MAP3K5: variants seen among roughly 807,000 people sequenced by gnomAD.
The protein encoded by MAP3K5 is mitogen-activated protein kinase kinase kinase 5.
A neutral mutation model predicts 158.7 loss-of-function variants in MAP3K5; 56 were observed. The ratio of observed to expected loss-of-function variants is 0.35; its 90% CI spans 0.28 to 0.44. The LOEUF (loss-of-function observed/expected upper bound fraction) is 0.44, where lower values mean the gene tolerates loss of function less well. Among genes scored for constraint, MAP3K5 ranks in the 20% least tolerant of loss-of-function variants. The probability of loss-of-function intolerance (pLI) is 1.00; values close to 1 mark genes in which losing one functional copy is unlikely to be tolerated. For synonymous variants in MAP3K5, 579 were observed against 601.7 expected, an observed-to-expected ratio of 0.96 and a Z score of 0.55; for missense variants, 1,294 against 1,674.8, an observed-to-expected ratio of 0.77 and a Z score of 3.97.
At chr6:136,735,863 T>C (rs1782438480) in intron 1 of MAP3K5, among the ~76,000 whole-genome samples, 1 of 152,010 alleles carries the variant, frequency 6.6e-6, no homozygotes, top group Admixed American at 6.6e-5. Flanking sequence ...GATAATTTCA[T>C]CCTATGTTAA....
chr6:136,627,364 C>T (rs1167723573), intron 14 of MAP3K5, among the ~76,000 whole-genome samples: 1 of 152,198 alleles, frequency 6.6e-6, no homozygotes, highest in Non-Finnish European at 1.5e-5. Flanking sequence ...GTGAACTTTC[C>T]AAAGTCCAAA....
Position 136,704,632 on chromosome 6 carries a change from G to A in MAP3K5, c.612+478C>T, listed in dbSNP as rs1022223668. ...ATGATCTTGGCTCATTGCAACCTCC[G>A]CCTCCCGGGTTCAAGCGATTCTCCT... On this transcript the variant is annotated intron_variant, in intron 3 of 29. Coordinates refer to ENST00000359015, the MANE Select transcript of MAP3K5 (RefSeq NM_005923.4). Among the ~76,000 whole-genome samples, 10 of 152,146 alleles carry A rather than the reference G, an allele frequency of 6.6e-5. No homozygotes were observed. In the East Asian group the frequency reaches 7.7e-4, roughly 12 times the overall value.
At position 136,562,631 on chromosome 6, in the gene MAP3K5, A is replaced by G. The variant is rs772979668; in HGVS notation, c.3762-16T>C. On this transcript the variant is annotated splice_polypyrimidine_tract_variant and intron_variant, in intron 26 of 29. Coordinates refer to ENST00000359015, the MANE Select transcript of MAP3K5 (RefSeq NM_005923.4). The stretch of plus-strand genomic sequence containing the variant: ...TTCCAGTAATCTGCAGAAGAAAAAT[A>G]TATTGTTTGACAGGAGGTGACACAG... The G allele has an allele frequency of 2.1e-6, 3 of 1,402,526 alleles. No homozygotes were observed. The highest frequency in any genetic ancestry group is 2.0e-6 in the Non-Finnish European group (2 of 1,003,682). 86.9% of individuals were successfully genotyped at this position (1,402,526 alleles called of 1,614,324 possible).
intron 7 of MAP3K5, among the ~76,000 whole-genome samples, chr6:136,678,269 T>G (rs960638079): frequency 6.6e-6 from 1 of 152,158 alleles, no homozygotes; most frequent in African/African-American, 2.4e-5. Flanking sequence ...TTGTATTCTA[T>G]ATACAACAGA....
chr6:136,703,643 C>A (rs961519618), intron 3 of MAP3K5, among the ~76,000 whole-genome samples: 8 of 152,176 alleles, frequency 5.3e-5, no homozygotes, highest in African/African-American at 1.9e-4. Flanking sequence ...TAAAACAGTG[C>A]ATTGAAGCAT....
intron 20 of MAP3K5, among the ~76,000 whole-genome samples, chr6:136,601,566 A>G (rs1775876554): frequency 6.6e-6 from 1 of 152,222 alleles, no homozygotes. Context: ...TGACATATTA[A>G]CTACCTACTA....
chr6:136,778,791 T>G (rs989031282), intron 1 of MAP3K5, among the ~76,000 whole-genome samples: 2 of 152,160 alleles, frequency 1.3e-5, no homozygotes, highest in Non-Finnish European at 2.9e-5. Flanking sequence ...TGGTAACAGT[T>G]TCAGGGTCTC....
At chr6:136,638,667 T>C (rs1167750169) in intron 13 of MAP3K5, among the ~76,000 whole-genome samples, 1 of 152,176 alleles carries the variant, frequency 6.6e-6, no homozygotes, top group Non-Finnish European at 1.5e-5. Context: ...CAAGTGTTTT[T>C]TTTTCCCCCA....
chr6:136,667,348 C>T lies in MAP3K5; in HGVS notation c.1366+1935G>A, dbSNP rs191573596. On this transcript the variant is annotated intron_variant, in intron 8 of 29. Transcript: ENST00000359015. The stretch of plus-strand genomic sequence containing the variant: ...AGAGTTTTTAATTTAGTCTTAGACA[C>T]AAAATTTTATTATAATCATAATTTC... Among the ~76,000 whole-genome samples, 39 of 152,204 alleles carry T rather than the reference C, an allele frequency of 2.6e-4. 1 individual carries two copies. In the South Asian group the frequency reaches 5.6e-3, roughly 22 times the overall value.
At chr6:136,789,094 G>A (rs909772590) in intron 1 of MAP3K5, among the ~76,000 whole-genome samples, 8 of 152,108 alleles carry the variant, frequency 5.3e-5, no homozygotes, top group African/African-American at 1.9e-4. Flanking sequence ...GGCCAGGTTT[G>A]AGACCTGTCT....
At chr6:136,769,057 A>G (rs1413461386) in intron 1 of MAP3K5, among the ~76,000 whole-genome samples, 3 of 152,350 alleles carry the variant, frequency 2.0e-5, no homozygotes, top group East Asian at 3.9e-4. Flanking sequence ...TGACATGGAT[A>G]TTCATGGTTT....
At chr6:136,726,746 T>G (rs1488725485) in intron 1 of MAP3K5, among the ~76,000 whole-genome samples, 1 of 152,220 alleles carries the variant, frequency 6.6e-6, no homozygotes, top group Non-Finnish European at 1.5e-5. Context: ...GATAGTACTG[T>G]TTTTAAAAAT....
chr6:136,659,357 A>G lies in MAP3K5; in HGVS notation c.1388T>C (p.Leu463Pro). The change falls in exon 9 of 30, where the codon CTT (leucine) becomes CCT (proline). Residue 463 changes from leucine (L) to proline (P), a missense_variant. Coordinates refer to ENST00000359015, the MANE Select transcript of MAP3K5 (RefSeq NM_005923.4). ...TTTTTCCAAGTTTCCCTTTTTACCAAGAAGACTACTTAGCTTCACCCCTAG... is the reference window on the plus strand; with the variant it reads ...TTTTTCCAAGTTTCCCTTTTTACCAGGAAGACTACTTAGCTTCACCCCTAG... ...RKVGVKLSSL[L>P]GKKGNLEKLQ... The G allele has an allele frequency of 1.9e-6, 3 of 1,614,074 alleles. No individual in the cohort carries two copies. Among genetic ancestry groups the G allele is most frequent in the Non-Finnish European group, 2.5e-6 (3 of 1,180,018 alleles).
At chr6:136,594,738 GAGACTAGTAC>G (rs1775546013) in intron 21 of MAP3K5, among the ~76,000 whole-genome samples, 2 of 152,172 alleles carry the variant, frequency 1.3e-5, no homozygotes, top group African/African-American at 4.8e-5. Flanking sequence ...TGGGAGTAAA[GAGACTAGTAC>G]AGACTAGACT....
chr6:136,696,193 A>G (rs1314560673), intron 5 of MAP3K5, 136 bp from the exon 6 acceptor site: 12 of 572,018 alleles, frequency 2.1e-5, no homozygotes, highest in Non-Finnish European at 1.5e-5. Context: ...AACACTTTGA[A>G]GAACCTAGAA....
chr6:136,610,708 A>T (rs2129090122), intron 18 of MAP3K5, among the ~76,000 whole-genome samples: 1 of 151,230 alleles, frequency 6.6e-6, no homozygotes, highest in Admixed American at 6.6e-5. Flanking sequence ...AAAAAAAAAA[A>T]TCTTCAGTGG....
intron 11 of MAP3K5, among the ~76,000 whole-genome samples, chr6:136,643,747 G>T (rs1043974920): frequency 1.3e-5 from 2 of 152,178 alleles, no homozygotes; most frequent in African/African-American, 2.4e-5. Context: ...AAATTTTGTT[G>T]CATGAAGTCC....
chr6:136,579,250 A>G, intron 25 of MAP3K5, among the ~76,000 whole-genome samples: 1 of 152,136 alleles, frequency 6.6e-6, no homozygotes, highest in Admixed American at 6.5e-5. Flanking sequence ...ACCCCAACAC[A>G]CACACAGGGT....
chr6:136,615,732 A>G (rs948766678), intron 15 of MAP3K5, among the ~76,000 whole-genome samples: 2 of 151,982 alleles, frequency 1.3e-5, no homozygotes, highest in African/African-American at 4.8e-5. Context: ...ATCTAAATTG[A>G]ATATATATAT....
Sources: allele counts gnomAD v4.1 joint callset (sites outside exome capture counted in the v4.1 genomes callset), GRCh38; gene constraint gnomAD v4.1.1; transcripts MANE v1.5; gene names NCBI Gene and HGNC (gene_info 2026-07-23, HGNC 2026-07-21).